The following RANBP2 variants were observed in gnomAD, a reference collection of about 807,000 sequenced individuals.
RANBP2 encodes the protein RAN binding protein 2.
A neutral mutation model predicts 303.6 loss-of-function variants in RANBP2; 57 were observed. The observed-to-expected ratio is 0.19, with a 90% CI of 0.15 to 0.23. RANBP2 has a LOEUF of 0.23. RANBP2 is among the 10% of genes least tolerant of loss of function. The pLI, the probability that RANBP2 is intolerant of heterozygous loss-of-function variation, is 1.00. For missense variants in RANBP2, 3,138 were observed against 3,780.8 expected (o/e 0.83, Z 4.46); for synonymous variants, 1,167 against 1,301.5 (o/e 0.90, Z 2.23).
chr2:109,109,120 A>T, the RANBP2 span, among the ~76,000 whole-genome samples: 13 of 152,228 alleles, frequency 8.5e-5, no homozygotes, highest in African/African-American at 3.1e-4. Flanking sequence ...ATTCTGTCTC[A>T]GTGGAAGCTG....
the RANBP2 span, among the ~76,000 whole-genome samples, chr2:109,204,366 CTTA>C: frequency 7.2e-5 from 11 of 152,194 alleles, no homozygotes; most frequent in Middle Eastern, 3.2e-3. Flanking sequence ...ATCTCCTTAT[CTTA>C]TCTTTTAAAT....
At position 108,731,401 on chromosome 2, in the gene RANBP2, A is replaced by G. The variant is rs537337624; in HGVS notation, c.332A>G (p.Asp111Gly). ...TTGCTTTGTAAAAATGATGTTACTG[A>G]TGGAAGAGCAAAATACTGGCTTGAA... ...AELLCKNDVTDGRAKYWLERA... is the reference protein window; with the variant it reads ...AELLCKNDVTGGRAKYWLERA... Residue 111 changes from aspartate to glycine, a missense_variant, in exon 4 of 29, where the codon GAT becomes GGT. By Grantham distance (94) the Asp-to-Gly change is moderately conservative. Coordinates refer to ENST00000283195, the MANE Select transcript of RANBP2 (RefSeq NM_006267.5). 4.3e-6 allele frequency: 7 copies of G among 1,611,598 alleles called. No individual in the cohort carries two copies. The Admixed American group carries it at 8.3e-5, about 19-fold the overall frequency.
chr2:109,432,401 G>A, the RANBP2 span: 21 of 1,478,314 alleles, frequency 1.4e-5, no homozygotes, highest in Non-Finnish European at 1.9e-5. Context: ...GGTCTTTTTA[G>A]GTTGGGTTCC....
the RANBP2 span, among the ~76,000 whole-genome samples, chr2:108,892,907 C>G: frequency 6.6e-6 from 1 of 152,174 alleles, no homozygotes; most frequent in African/African-American, 2.4e-5. Context: ...ACTGTCTACA[C>G]ACTGTTTTTG....
At chr2:109,518,973 C>T in the RANBP2 span, among the ~76,000 whole-genome samples, 1 of 142,106 alleles carries the variant, frequency 7.0e-6, no homozygotes, top group African/African-American at 2.7e-5. Context: ...GTCTGGAGTG[C>T]AGTCATGCAA....
chr2:108,764,391 G>A lies in RANBP2; in HGVS notation c.3852G>A (p.Arg1284=), dbSNP rs61758803. Reference sequence around the variant, plus strand: ...CAAAACCAGAACAACTTGCTATTAGGTTCAAAACTCCTGAGGAAGCAGCAC... The same window carrying A: ...CAAAACCAGAACAACTTGCTATTAGATTCAAAACTCCTGAGGAAGCAGCAC... ...ELPKPEQLAI[R]FKTPEEAALF... The change falls in exon 20 of 29, where the codon AGG becomes AGA. Residue 1284 remains arginine, a synonymous_variant. Coordinates refer to ENST00000283195, the MANE Select transcript of RANBP2 (RefSeq NM_006267.5). 4.4e-5 allele frequency: 71 copies of A among 1,613,896 alleles called. No individual in the cohort carries two copies. Among genetic ancestry groups the A allele is most frequent in the Non-Finnish European group, 6.0e-5 (71 of 1,179,952 alleles).
the RANBP2 span, among the ~76,000 whole-genome samples, chr2:108,892,242 A>G: frequency 1.3e-5 from 2 of 152,080 alleles, no homozygotes; most frequent in Admixed American, 6.6e-5. Context: ...AGCCTTGACA[A>G]TGTTAGCCCA....
the RANBP2 span, among the ~76,000 whole-genome samples, chr2:109,468,505 A>G: frequency 6.6e-6 from 1 of 152,138 alleles, no homozygotes; most frequent in African/African-American, 2.4e-5. Context: ...GCAGGAAGCA[A>G]AATGTTTCCA....
chr2:109,621,301 C>G, the RANBP2 span, among the ~76,000 whole-genome samples: 1 of 152,006 alleles, frequency 6.6e-6, no homozygotes, highest in Non-Finnish European at 1.5e-5. Flanking sequence ...TACAGTCGCG[C>G]GCCACTACGC....
the RANBP2 span, among the ~76,000 whole-genome samples, chr2:109,431,606 A>T: frequency 6.6e-6 from 1 of 152,368 alleles, no homozygotes; most frequent in African/African-American, 2.4e-5. Context: ...CTTAAAATTA[A>T]GGCTGGTGTA....
chr2:109,334,954 C>T, the RANBP2 span, among the ~76,000 whole-genome samples: 6 of 152,334 alleles, frequency 3.9e-5, no homozygotes, highest in East Asian at 5.8e-4. Flanking sequence ...TAACTCTTTG[C>T]GTGCCTTCCC....
At chr2:109,690,757 G>C in the RANBP2 span, among the ~76,000 whole-genome samples, 1 of 152,048 alleles carries the variant, frequency 6.6e-6, no homozygotes, top group African/African-American at 2.4e-5. Flanking sequence ...AGGGGAATGC[G>C]GGGCAGGGCT....
chr2:109,330,129 C>G, the RANBP2 span, among the ~76,000 whole-genome samples: 1 of 152,186 alleles, frequency 6.6e-6, no homozygotes, highest in East Asian at 1.9e-4. Flanking sequence ...CCTTTGCTCC[C>G]ACTCTGGGGC....
At chr2:109,627,980 T>C in the RANBP2 span, among the ~76,000 whole-genome samples, 1 of 152,196 alleles carries the variant, frequency 6.6e-6, no homozygotes, top group Non-Finnish European at 1.5e-5. Context: ...ATACAATTTA[T>C]GCATTGCTGG....
the RANBP2 span, among the ~76,000 whole-genome samples, chr2:109,237,222 C>T: frequency 6.6e-6 from 1 of 152,060 alleles, no homozygotes; most frequent in Non-Finnish European, 1.5e-5. Context: ...AACCAGACCA[C>T]CAGCAAAGAA....
chr2:109,081,334 A>AAT, the RANBP2 span, among the ~76,000 whole-genome samples: 1 of 152,170 alleles, frequency 6.6e-6, no homozygotes. Flanking sequence ...GGGGAAAGGA[A>AAT]ATATACATCA....
At chr2:109,078,867 C>T in the RANBP2 span, among the ~76,000 whole-genome samples, 14 of 151,592 alleles carry the variant, frequency 9.2e-5, no homozygotes, top group South Asian at 1.0e-3. Flanking sequence ...GGCACACACC[C>T]GTAGTCCCAG....
At chr2:109,426,371 T>A in the RANBP2 span, among the ~76,000 whole-genome samples, 3 of 152,070 alleles carry the variant, frequency 2.0e-5, no homozygotes, top group Non-Finnish European at 4.4e-5. Flanking sequence ...TTAACAGGAG[T>A]GTTGAAGAAG....
the RANBP2 span, among the ~76,000 whole-genome samples, chr2:109,697,173 A>G: frequency 2.3e-4 from 35 of 152,242 alleles, no homozygotes; most frequent in African/African-American, 8.2e-4. Context: ...TAGGCATTTC[A>G]TATTTGTGTA....
Sources: gnomAD v4.1 joint callset for allele counts (sites outside exome capture counted in the v4.1 genomes callset) on GRCh38, gnomAD v4.1.1 for gene constraint, MANE v1.5 for transcripts, NCBI Gene and HGNC (gene_info 2026-07-23, HGNC 2026-07-21) for gene names.